The following SEMA3A variants were observed in gnomAD, a reference collection of about 807,000 sequenced individuals.
SEMA3A encodes the protein semaphorin 3A, also known as semaphorin-3A.
In SEMA3A, 29 loss-of-function variants were observed where a neutral mutation model predicts 97.9. The ratio of observed to expected loss-of-function variants is 0.30; its 90% CI spans 0.22 to 0.40. The LOEUF is 0.40. Among genes scored for constraint, SEMA3A ranks in the 10% least tolerant of loss-of-function variants. The probability of loss-of-function intolerance (pLI) is 1.00; values close to 1 mark genes in which losing one functional copy is unlikely to be tolerated. For synonymous variants in SEMA3A, 321 were observed against 323.7 expected, an observed-to-expected ratio of 0.99 and a Z score of 0.09; for missense variants, 763 against 951.3, an observed-to-expected ratio of 0.80 and a Z score of 2.60.
rs570958110 is a variant in SEMA3A, at chr7:84,254,521, G to A, written c.-83+52686C>T. On this transcript the variant is annotated intron_variant, in intron 3 of 3. Coordinates refer to the SEMA3A transcript ENST00000424555. ...TCTGCGGTGGCTTAGCAAATTCCCT[G>A]AGAATTAAAATCAGAGGACAATGAC... Among the ~76,000 whole-genome samples the A allele has an allele frequency of 3.3e-4, 50 of 152,144 alleles. No individual in the cohort carries two copies. The East Asian group carries it at 3.9e-3, about 12-fold the overall frequency.
intron 3 of SEMA3A, among the ~76,000 whole-genome samples, chr7:84,218,787 G>A (rs765434103): frequency 9.9e-5 from 15 of 151,842 alleles, no homozygotes; most frequent in Admixed American, 3.3e-4. Context: ...TAGAGGAGAC[G>A]ACTCTACTCT....
chr7:84,489,289 C>T (rs1006201159), intron 1 of SEMA3A: 2 of 152,074 alleles, frequency 1.3e-5, no homozygotes, highest in African/African-American at 4.8e-5. Flanking sequence ...CAATTATCTC[C>T]ACCTGGTACC....
chr7:84,246,442 A>C (rs1799478689), intron 3 of SEMA3A, among the ~76,000 whole-genome samples: 1 of 152,344 alleles, frequency 6.6e-6, no homozygotes, highest in East Asian at 1.9e-4. Flanking sequence ...TTTGCTAAAG[A>C]CATTAAAAAG....
At chr7:84,031,002 T>TG (rs1353564172) in intron 6 of SEMA3A, among the ~76,000 whole-genome samples, 20 of 145,414 alleles carry the variant, frequency 1.4e-4, no homozygotes, top group African/African-American at 4.6e-4. Context: ...TTTTTTTTTT[T>TG]TTTTTTTTTG....
intron 1 of SEMA3A, among the ~76,000 whole-genome samples, chr7:84,374,221 T>C (rs1406609905): frequency 2.0e-5 from 3 of 152,210 alleles, no homozygotes; most frequent in Non-Finnish European, 4.4e-5. Context: ...AATGTGAATG[T>C]GTGTATCCTT....
At chr7:84,413,372 A>G (rs1318228758) in intron 1 of SEMA3A, among the ~76,000 whole-genome samples, 1 of 152,154 alleles carries the variant, frequency 6.6e-6, no homozygotes, top group Admixed American at 6.6e-5. Context: ...TCATACCTGT[A>G]ATCTCAGCAC....
chr7:84,351,317 T>C (rs1385857500), intron 2 of SEMA3A, among the ~76,000 whole-genome samples: 2 of 152,134 alleles, frequency 1.3e-5, no homozygotes, highest in African/African-American at 2.4e-5. Flanking sequence ...TGTCACACCT[T>C]GCGTAAGCCT....
chr7:84,101,327 T>A (rs1240663002), intron 4 of SEMA3A, among the ~76,000 whole-genome samples: 1 of 152,206 alleles, frequency 6.6e-6, no homozygotes, highest in Non-Finnish European at 1.5e-5. Flanking sequence ...ATCATTATCC[T>A]CCTTTTCACT....
intron 1 of SEMA3A, among the ~76,000 whole-genome samples, chr7:84,432,412 C>G (rs1805004099): frequency 6.6e-6 from 1 of 151,946 alleles, no homozygotes; most frequent in Non-Finnish European, 1.5e-5. Context: ...ATTTTAGAAT[C>G]AGAGGGTACA....
At chr7:84,398,422 A>C (rs1251183007) in intron 1 of SEMA3A, among the ~76,000 whole-genome samples, 2 of 152,084 alleles carry the variant, frequency 1.3e-5, no homozygotes, top group Non-Finnish European at 2.9e-5. Flanking sequence ...CCTGATTCAG[A>C]GGTATTGCAC....
intron 2 of SEMA3A, among the ~76,000 whole-genome samples, chr7:84,354,658 G>A (rs944639270): frequency 3.3e-5 from 5 of 151,538 alleles, no homozygotes; most frequent in African/African-American, 1.2e-4. Context: ...TCTGCCTTTG[G>A]GGTGGAGGAA....
rs749889921 is a variant in SEMA3A at position 83,980,603 on chromosome 7, C to CAAAAAAAAA, written c.1652+709_1652+717dup. Among the ~76,000 whole-genome samples the CAAAAAAAAA allele has an allele frequency of 3.2e-3, 174 of 53,944 alleles. 11 individuals carry two copies. Among genetic ancestry groups the CAAAAAAAAA allele is most frequent in the Middle Eastern group, 0.045 (2 of 44 alleles). 35.4% of individuals were successfully genotyped at this position (53,944 alleles called of 152,430 possible). On this transcript the variant is annotated intron_variant, in intron 14 of 16. Coordinates refer to ENST00000265362, the MANE Select transcript of SEMA3A (RefSeq NM_006080.3). The stretch of plus-strand genomic sequence containing the variant: ...CTGGTGACAGAGTGAGACTCCATCT[C>CAAAAAAAAA]AAAAAAAAAAAAAAAAAAAAATATA...
At chr7:84,056,803 T>C (rs1793001539) in intron 5 of SEMA3A, among the ~76,000 whole-genome samples, 1 of 152,216 alleles carries the variant, frequency 6.6e-6, no homozygotes, top group African/African-American at 2.4e-5. Flanking sequence ...TGGTATAAAA[T>C]TGAAAATGTA....
intron 4 of SEMA3A, among the ~76,000 whole-genome samples, chr7:84,067,097 G>T (rs967647951): frequency 1.3e-5 from 2 of 152,166 alleles, no homozygotes; most frequent in Admixed American, 6.5e-5. Flanking sequence ...GAAGAGAACA[G>T]AGCCCTCAGA....
intron 3 of SEMA3A, among the ~76,000 whole-genome samples, chr7:84,229,889 A>G (rs1419161002): frequency 6.6e-6 from 1 of 151,840 alleles, no homozygotes; most frequent in African/African-American, 2.4e-5. Context: ...TTGTCCTCAT[A>G]TGTCCCCCTT....
At chr7:83,985,205 C>T (rs918728757) in intron 13 of SEMA3A, among the ~76,000 whole-genome samples, 2 of 151,730 alleles carry the variant, frequency 1.3e-5, no homozygotes, top group Admixed American at 1.3e-4. Context: ...AAATAATGAT[C>T]CATAAAATAA....
rs549174962 is a variant in SEMA3A at position 83,976,766 on chromosome 7, T to C, written c.1717+366A>G. Among the ~76,000 whole-genome samples, 3 of 152,176 alleles carry C rather than the reference T, an allele frequency of 2.0e-5. No homozygotes were observed. The South Asian group carries it at 6.2e-4, about 32-fold the overall frequency. ...CATTTTAAGGCATATTTTAAGACTG[T>C]AGTTTTTGCTTTGGTATATTTTAAT... is the stretch of plus-strand genomic sequence containing the variant. On this transcript the variant is annotated intron_variant, in intron 15 of 16. Transcript: ENST00000265362.
intron 3 of SEMA3A, among the ~76,000 whole-genome samples, chr7:84,290,250 T>C (rs992025427): frequency 6.6e-6 from 1 of 152,006 alleles, no homozygotes; most frequent in Non-Finnish European, 1.5e-5. Flanking sequence ...AAATTATACA[T>C]CAATAAAGCT....
At chr7:84,467,486 C>G (rs187926833) in intron 1 of SEMA3A, among the ~76,000 whole-genome samples, 1 of 143,694 alleles carries the variant, frequency 7.0e-6, no homozygotes, top group African/African-American at 2.6e-5. Flanking sequence ...TGCGCCACTG[C>G]ACTGCATTCC....
Sources: gnomAD v4.1 joint callset for allele counts (sites outside exome capture counted in the v4.1 genomes callset) on GRCh38, gnomAD v4.1.1 for gene constraint, MANE v1.5 for transcripts, NCBI Gene and HGNC (gene_info 2026-07-23, HGNC 2026-07-21) for gene names.